The following C12orf42 variants were observed in gnomAD, a reference collection of about 807,000 sequenced individuals.
C12orf42 encodes the protein uncharacterized protein C12orf42.
A neutral mutation model predicts 21.6 loss-of-function variants in C12orf42; 25 were observed. The observed-to-expected ratio is 1.16, with a 90% CI of 0.84 to 1.62. C12orf42 has a LOEUF of 1.62. Among genes scored for constraint, C12orf42 ranks in the 40% most tolerant of loss-of-function variants. The probability of loss-of-function intolerance (pLI) is 0.00; values close to 1 mark genes in which losing one functional copy is unlikely to be tolerated. For synonymous variants in C12orf42, 174 were observed against 175.0 expected (o/e 0.99, Z 0.05); for missense variants, 483 against 459.3 (o/e 1.05, Z -0.47).
chr12:103,074,931 T>TA, the C12orf42 span, among the ~76,000 whole-genome samples: 1,996 of 151,694 alleles, frequency 0.013, 46 homozygotes, highest in African/African-American at 0.043. Flanking sequence ...ACAAAAATAA[T>TA]AAAAAAAATT....
chr12:103,095,121 C>T, the C12orf42 span, among the ~76,000 whole-genome samples: 8 of 152,140 alleles, frequency 5.3e-5, no homozygotes, highest in Non-Finnish European at 1.2e-4. Context: ...CCAACTATCA[C>T]CTGGATTATG....
rs566716833 is a variant in C12orf42, at chr12:103,335,718, T to C, written c.260-29373A>G. On this transcript the variant is annotated intron_variant, in intron 4 of 5. Coordinates refer to ENST00000548883, the MANE Select transcript of C12orf42 (RefSeq NM_198521.5). The stretch of plus-strand genomic sequence containing the variant: ...TTCAGTGGTTCTCAAATATCTTCAG[T>C]TTGCAGACCATCCTACCATGGCAGA... Among the ~76,000 whole-genome samples the C allele has an allele frequency of 1.2e-4, 18 of 152,272 alleles. No individual in the cohort carries two copies. In the East Asian group the frequency reaches 3.3e-3, roughly 28 times the overall value.
rs777168557 is a variant in C12orf42, at chr12:103,368,971, C to T, written c.175G>A (p.Val59Ile). The change falls in exon 4 of 6, where the codon GTA (valine) becomes ATA (isoleucine). Residue 59 changes from valine (V) to isoleucine (I), a missense_variant. Transcript: ENST00000548883. ...TGATTAATGAATCTGGAGCAGGGTA[C>T]TGAAGTTCTTTCATAACAAGGGATG... Reference protein sequence around the residue: ...KHIPCYERTSVPCSRFINHMK... With the variant: ...KHIPCYERTSIPCSRFINHMK... 21 of 1,596,822 alleles carry T rather than the reference C, an allele frequency of 1.3e-5. No homozygotes were observed. The highest frequency in any genetic ancestry group is 1.8e-5 in the Non-Finnish European group (21 of 1,170,112).
At chr12:103,317,663 C>T (rs964513343) in intron 4 of C12orf42, among the ~76,000 whole-genome samples, 7 of 152,090 alleles carry the variant, frequency 4.6e-5, no homozygotes, top group African/African-American at 1.4e-4. Flanking sequence ...CCAAAGTCTT[C>T]TCCAATTTTA....
intron 4 of C12orf42, among the ~76,000 whole-genome samples, chr12:103,364,476 A>C (rs1455185547): frequency 6.6e-6 from 1 of 152,010 alleles, no homozygotes; most frequent in Non-Finnish European, 1.5e-5. Context: ...CAGCAGAAAA[A>C]AGGAAATAAA....
chr12:103,434,751 C>T (rs565958727), intron 2 of C12orf42, among the ~76,000 whole-genome samples: 82 of 152,340 alleles, frequency 5.4e-4, no homozygotes, highest in Non-Finnish European at 8.8e-4. Flanking sequence ...GAGGGTCCTA[C>T]GCCCACGGAC....
At chr12:103,240,456 G>T (rs2033681020) in intron 10 of C12orf42, among the ~76,000 whole-genome samples, 1 of 152,156 alleles carries the variant, frequency 6.6e-6, no homozygotes, top group Non-Finnish European at 1.5e-5. Context: ...CAGACCATCT[G>T]GTTTCAGAGT....
chr12:103,410,642 A>C (rs1566263546), intron 2 of C12orf42, among the ~76,000 whole-genome samples: 1 of 152,226 alleles, frequency 6.6e-6, no homozygotes, highest in Non-Finnish European at 1.5e-5. Flanking sequence ...AAGAGCTGCC[A>C]GAAGAACATT....
At chr12:103,052,183 A>G in the C12orf42 span, among the ~76,000 whole-genome samples, 4 of 152,082 alleles carry the variant, frequency 2.6e-5, no homozygotes, top group Non-Finnish European at 5.9e-5. Flanking sequence ...GTATATATGT[A>G]TACATTTTTG....
chr12:103,067,355 A>G, the C12orf42 span, among the ~76,000 whole-genome samples: 1 of 152,168 alleles, frequency 6.6e-6, no homozygotes, highest in Non-Finnish European at 1.5e-5. Flanking sequence ...CAGTGGGTTC[A>G]TGCTCATGGA....
chr12:103,524,683 G>A, the C12orf42 span, among the ~76,000 whole-genome samples: 2 of 152,184 alleles, frequency 1.3e-5, no homozygotes, highest in Admixed American at 6.5e-5. Flanking sequence ...GTCATTCCCT[G>A]GCAAGGTAGC....
chr12:103,435,436 G>A (rs907339782), intron 2 of C12orf42, among the ~76,000 whole-genome samples: 1 of 152,212 alleles, frequency 6.6e-6, no homozygotes, highest in Non-Finnish European at 1.5e-5. Context: ...GAAGGCTTCA[G>A]ACGATCAAAT....
At chr12:103,501,704 A>G in the C12orf42 span, among the ~76,000 whole-genome samples, 1 of 152,260 alleles carries the variant, frequency 6.6e-6, no homozygotes, top group South Asian at 2.1e-4. Flanking sequence ...TAATATGACA[A>G]TTTTCCTTTA....
the C12orf42 span, among the ~76,000 whole-genome samples, chr12:103,145,071 G>C: frequency 2.0e-5 from 3 of 152,088 alleles, no homozygotes; most frequent in African/African-American, 7.2e-5. Flanking sequence ...CACACAATGA[G>C]GGATTATCTA....
At chr12:103,257,432 T>G (rs2034668785) in intron 10 of C12orf42, among the ~76,000 whole-genome samples, 1 of 152,100 alleles carries the variant, frequency 6.6e-6, no homozygotes, top group Non-Finnish European at 1.5e-5. Context: ...GCTTAAAAAG[T>G]TATACCCACA....
At chr12:103,449,009 G>C (rs1470450825) in intron 2 of C12orf42, among the ~76,000 whole-genome samples, 1 of 151,822 alleles carries the variant, frequency 6.6e-6, no homozygotes, top group Non-Finnish European at 1.5e-5. Context: ...GTTTATAGCA[G>C]CACAATTTGC....
the C12orf42 span, among the ~76,000 whole-genome samples, chr12:103,153,799 TACTA>T: frequency 6.2e-4 from 94 of 152,212 alleles, no homozygotes; most frequent in South Asian, 0.017. Flanking sequence ...TCAGTTTCTC[TACTA>T]ACTGTGTGCC....
chr12:103,149,706 T>A, the C12orf42 span, among the ~76,000 whole-genome samples: 3 of 152,100 alleles, frequency 2.0e-5, no homozygotes, highest in East Asian at 3.9e-4. Context: ...CCAAGCTTGC[T>A]CCCCTTTGCT....
chr12:103,215,283 T>C, the C12orf42 span, among the ~76,000 whole-genome samples: 5 of 151,912 alleles, frequency 3.3e-5, no homozygotes, highest in Non-Finnish European at 7.4e-5. Context: ...CCAATACTAA[T>C]GCAAATATAA....
Sources: gnomAD v4.1 joint callset for allele counts (sites outside exome capture counted in the v4.1 genomes callset) on GRCh38, gnomAD v4.1.1 for gene constraint, MANE v1.5 for transcripts, NCBI Gene and HGNC (gene_info 2026-07-23, HGNC 2026-07-21) for gene names.